Variants in CHRNA5 observed in about 807,000 individuals in gnomAD.
CHRNA5 encodes neuronal acetylcholine receptor subunit alpha-5.
Under a neutral mutation model 41.2 loss-of-function variants are expected in CHRNA5, and 28 were observed. The observed-to-expected ratio is 0.68, with a 90% CI of 0.50 to 0.93. CHRNA5 has a LOEUF of 0.93. CHRNA5 is among the 40% of genes least tolerant of loss of function. The probability of loss-of-function intolerance (pLI) is 0.00; values close to 1 mark genes in which losing one functional copy is unlikely to be tolerated. For missense variants in CHRNA5, 481 were observed against 581.9 expected, an observed-to-expected ratio of 0.83 and a Z score of 1.78; for synonymous variants, 188 against 205.8, an observed-to-expected ratio of 0.91 and a Z score of 0.74.
chr15:78,594,004 A>C (rs1340247371), exon 6 of CHRNA5: 1 of 152,324 alleles, frequency 6.6e-6, no homozygotes, highest in East Asian at 1.9e-4. Context: ...ACGCCATTGC[A>C]CTCCAGCCTG....
At chr15:78,567,443 C>T (rs59180001) in intron 1 of CHRNA5, among the ~76,000 whole-genome samples, 5,428 of 152,238 alleles carry the variant, frequency 0.036, 335 homozygotes, top group African/African-American at 0.12. Context: ...TAATATAGAA[C>T]ACTGTAGCCA....
At chr15:78,593,467 T>C in exon 6 of CHRNA5, 1 of 381,268 alleles carries the variant, frequency 2.6e-6, no homozygotes, top group Non-Finnish European at 4.6e-6. Flanking sequence ...CTTGTAAAAA[T>C]AGCAAAATAT....
At chr15:78,570,205 T>C (rs796181379) in intron 1 of CHRNA5, among the ~76,000 whole-genome samples, 8 of 152,260 alleles carry the variant, frequency 5.3e-5, no homozygotes, top group African/African-American at 1.2e-4. Flanking sequence ...AATGTTAATT[T>C]AGATGTTTTG....
At chr15:78,590,896 T>C (rs2053006977) in intron 5 of CHRNA5, 1 of 443,486 alleles carries the variant, frequency 2.3e-6, no homozygotes, top group Non-Finnish European at 4.0e-6. Context: ...AAAGAAAATT[T>C]AGTGTTATAT....
At chr15:78,581,221 CATT>C (rs1467999720) in intron 2 of CHRNA5, among the ~76,000 whole-genome samples, 1 of 152,200 alleles carries the variant, frequency 6.6e-6, no homozygotes, top group Non-Finnish European at 1.5e-5. Flanking sequence ...AGATCTAAAA[CATT>C]GTGTATTCCT....
chr15:78,583,694 CAA>C (rs397946301), intron 2 of CHRNA5, among the ~76,000 whole-genome samples: 42 of 82,230 alleles, frequency 5.1e-4, no homozygotes, highest in Admixed American at 1.2e-3. Context: ...GACTCTGTCT[CAA>C]AAAAAAAAAA....
rs547608751 is a variant in CHRNA5, at chr15:78,590,664, ATCT to A, written c.1245+34_1245+36del. ...CTGTGATGTGTATTTACAAATGCAG[ATCT>A]TCTTCCATTTTAAGTTCAGAAGTTA... is the stretch of plus-strand genomic sequence containing the variant. On this transcript the variant is annotated intron_variant, in intron 5 of 5. Transcript: ENST00000299565. The A allele has an allele frequency of 1.7e-4, 268 of 1,547,080 alleles. No homozygotes were observed. In the South Asian group the frequency reaches 2.1e-3, roughly 12 times the overall value.
At position 78,574,902 on chromosome 15, in the gene CHRNA5, G is replaced by A. The variant is rs183097048; in HGVS notation, c.107-5909G>A. ...GCAGGAGGATTGCTTGAGCACAGGAGATCGAGGCTGCAGTGAGCCAAGATC... is the reference window on the plus strand; with the variant it reads ...GCAGGAGGATTGCTTGAGCACAGGAAATCGAGGCTGCAGTGAGCCAAGATC... On this transcript the variant is annotated intron_variant, in intron 1 of 5. Coordinates refer to ENST00000299565, the Ensembl canonical transcript of CHRNA5. Among the ~76,000 whole-genome samples the A allele has an allele frequency of 6.0e-5, 9 of 150,952 alleles. No individual in the cohort carries two copies. The East Asian group carries it at 1.8e-3, about 29-fold the overall frequency.
chr15:78,589,987 A>G (rs201173989), exon 5 of CHRNA5: 8 of 1,614,164 alleles, frequency 5.0e-6, no homozygotes, highest in Non-Finnish European at 6.8e-6. Flanking sequence ...TCACAGGTTG[A>G]TATAATTCTA....
chr15:78,589,758 T>C lies in CHRNA5; in HGVS notation c.414-47T>C, dbSNP rs67896919. On this transcript the variant is annotated intron_variant, in intron 4 of 5. Coordinates refer to ENST00000299565, the Ensembl canonical transcript of CHRNA5. Reference sequence around the variant, plus strand: ...TAGGCTTATATTAATACAATTCATGTGCATTGTTTAATTTCTGCATTGTTA... The same window carrying C: ...TAGGCTTATATTAATACAATTCATGCGCATTGTTTAATTTCTGCATTGTTA... 4.9e-3 allele frequency: 6,745 copies of C among 1,369,048 alleles called. 24 individuals are homozygous for C. Among genetic ancestry groups the C allele is most frequent in the Non-Finnish European group, 5.6e-3 (5,612 of 997,908 alleles). The allele number at this position is 1,369,048 out of a possible 1,614,324, so 84.8% of individuals were successfully genotyped here. A position where few individuals can be genotyped will look rare whatever the true frequency, so the allele number is the denominator to read the frequency against.
chr15:78,572,433 G>A (rs1463604675), intron 1 of CHRNA5, among the ~76,000 whole-genome samples: 1 of 152,154 alleles, frequency 6.6e-6, no homozygotes, highest in Non-Finnish European at 1.5e-5. Context: ...GAAGACTGGA[G>A]ATAGTTGGAC....
intron 1 of CHRNA5, among the ~76,000 whole-genome samples, chr15:78,568,530 T>C (rs901111060): frequency 6.6e-6 from 1 of 152,142 alleles, no homozygotes; most frequent in African/African-American, 2.4e-5. Context: ...GTTTGTTACA[T>C]AGGTATACAT....
intron 1 of CHRNA5, among the ~76,000 whole-genome samples, chr15:78,578,337 A>G (rs545125618): frequency 5.9e-5 from 9 of 152,064 alleles, no homozygotes; most frequent in Non-Finnish European, 8.8e-5. Context: ...GTGAAACCCC[A>G]TCTCTACTAA....
intron 1 of CHRNA5, among the ~76,000 whole-genome samples, chr15:78,577,215 A>AC (rs2052866708): frequency 6.6e-6 from 1 of 152,068 alleles, no homozygotes; most frequent in South Asian, 2.1e-4. Context: ...CGGTTTATGA[A>AC]CTCTGTAGCA....
chr15:78,581,883 C>G (rs1224537298), intron 2 of CHRNA5, among the ~76,000 whole-genome samples: 1 of 152,144 alleles, frequency 6.6e-6, no homozygotes, highest in Non-Finnish European at 1.5e-5. Flanking sequence ...ATTACATACT[C>G]TCCAAATATA....
chr15:78,588,745 G>A lies in CHRNA5; in HGVS notation c.413+322G>A, dbSNP rs12903575. Among the ~76,000 whole-genome samples the A allele has an allele frequency of 0.032, 4,844 of 152,194 alleles. 111 individuals are homozygous for A. Among genetic ancestry groups the A allele is most frequent in the Non-Finnish European group, 0.05 (3,426 of 68,024 alleles). On this transcript the variant is annotated intron_variant, in intron 4 of 5. Transcript: ENST00000299565. The surrounding 1 kb of genome is among the most constrained non-coding windows in gnomAD (Gnocchi z 4.1). Reference sequence around the variant, plus strand: ...GATTTTTTTGTATGTTTTTTACGTCGTTGAGGTCATATTTTATGTTGAATT... The same window carrying A: ...GATTTTTTTGTATGTTTTTTACGTCATTGAGGTCATATTTTATGTTGAATT...
At chr15:78,574,334 C>T (rs1307373438) in intron 1 of CHRNA5, among the ~76,000 whole-genome samples, 36 of 148,466 alleles carry the variant, frequency 2.4e-4, no homozygotes. Context: ...GAGCCGAGAT[C>T]GCACCAATGC....
rs1300321383 is a variant in CHRNA5 at position 78,588,800 on chromosome 15, G to A, written c.413+377G>A. 2.0e-5 allele frequency among the ~76,000 whole-genome samples: 3 copies of A among 151,538 alleles called. No individual in the cohort carries two copies. The highest frequency in any genetic ancestry group is 1.5e-5 in the Non-Finnish European group (1 of 67,934). ...ATCCTTCTAGTTGTGTTTAAATACT[G>A]TATCGTCATTTTCCCACAATGAGGA... On this transcript the variant is annotated intron_variant, in intron 4 of 5. Transcript: ENST00000299565. The surrounding 1 kb of genome is among the most constrained non-coding windows in gnomAD (Gnocchi z 4.1).
exon 6 of CHRNA5, chr15:78,594,765 T>C (rs539579411): frequency 3.3e-5 from 5 of 152,260 alleles, no homozygotes; most frequent in Non-Finnish European, 5.9e-5. Flanking sequence ...CACACTGTTA[T>C]ATACCTGTAA....
Sources: allele counts gnomAD v4.1 joint callset (sites outside exome capture counted in the v4.1 genomes callset), GRCh38; gene constraint gnomAD v4.1.1; non-coding constraint Gnocchi (gnomAD v3.1); transcripts MANE v1.5; gene names NCBI Gene and HGNC (gene_info 2026-07-23, HGNC 2026-07-21).